Variants in VPS13C observed in about 807,000 individuals in gnomAD.
The protein encoded by VPS13C is vacuolar protein sorting 13 homolog C, also known as intermembrane lipid transfer protein VPS13C.
VPS13C carries 358 observed loss-of-function variants against 456.8 expected under a neutral mutation model. That is an observed-to-expected ratio of 0.78 (90% confidence interval 0.72 to 0.86). The LOEUF is 0.86. Among genes scored for constraint, VPS13C ranks in the 40% least tolerant of loss-of-function variants. The probability of loss-of-function intolerance (pLI) is 0.00; values close to 1 mark genes in which losing one functional copy is unlikely to be tolerated. For synonymous variants in VPS13C, 1,578 were observed against 1,486.7 expected (o/e 1.06, Z -1.41); for missense variants, 4,818 against 4,385.4 (o/e 1.10, Z -2.79).
Position 61,884,238 on chromosome 15 carries a change from G to A in VPS13C, c.9373C>T (p.Gln3125Ter). Residue 3125 changes from glutamine to a stop codon, truncating the protein, a stop_gained, in exon 68 of 85, where the codon CAG (glutamine) becomes TAG (stop). Transcript: ENST00000644861. LOFTEE classifies it high-confidence loss of function. ...TTTTGACTAAATGGCTTCCATTTCT[G>A]CTTTGGTTTCACCTCCCAAACAACA... ...SGVVWEVKPKQKWKPFSQKQI... is the reference protein window; with the variant it reads ...SGVVWEVKPK 6.2e-7 allele frequency: 1 copy of A among 1,610,800 alleles called. No homozygotes were observed. Among genetic ancestry groups the A allele is most frequent in the Non-Finnish European group, 8.5e-7 (1 of 1,178,866 alleles).
intron 38 of VPS13C, 67 bp downstream of exon 38, chr15:61,954,354 G>C (rs1052603120): frequency 1.3e-5 from 19 of 1,514,570 alleles, no homozygotes; most frequent in Non-Finnish European, 1.6e-5. Context: ...TGTAAGTTTA[G>C]TAGAGGTAAT....
At chr15:61,984,201 G>T (rs1244489236) in intron 19 of VPS13C, among the ~76,000 whole-genome samples, 189 bp from the exon 20 acceptor site, 2 of 152,208 alleles carry the variant, frequency 1.3e-5, no homozygotes, top group East Asian at 1.9e-4. Flanking sequence ...TGCTGCTCTT[G>T]TTGTTTTAAT....
intron 68 of VPS13C, among the ~76,000 whole-genome samples, chr15:61,883,430 A>T (rs1896025821): frequency 6.6e-6 from 1 of 152,114 alleles, no homozygotes; most frequent in Admixed American, 6.6e-5. Context: ...TCATTTAAGT[A>T]TGGCCAAAAT....
chr15:62,001,732 T>C (rs148558847), intron 15 of VPS13C, among the ~76,000 whole-genome samples: 4,403 of 152,252 alleles, frequency 0.029, 140 homozygotes, highest in South Asian at 0.069. Context: ...TGTGTTCTCA[T>C]TGTTCAGTTC....
chr15:61,938,494 G>C (rs1479861422), intron 47 of VPS13C, among the ~76,000 whole-genome samples: 2 of 152,078 alleles, frequency 1.3e-5, no homozygotes, highest in Non-Finnish European at 2.9e-5. Flanking sequence ...TGACCAAAGG[G>C]GGGTGTTTAG....
intron 37 of VPS13C, among the ~76,000 whole-genome samples, chr15:61,956,697 G>A (rs183950030): frequency 2.6e-5 from 4 of 152,094 alleles, no homozygotes; most frequent in Admixed American, 2.6e-4. Flanking sequence ...CATATGAAAA[G>A]GTGATCACCT....
intron 15 of VPS13C, among the ~76,000 whole-genome samples, chr15:62,002,227 G>A (rs1385496770): frequency 2.0e-5 from 3 of 152,154 alleles, no homozygotes; most frequent in South Asian, 2.1e-4. Flanking sequence ...GGTGTGAGAT[G>A]GTATCTCATT....
intron 59 of VPS13C, 102 bp from the exon 60 acceptor site, chr15:61,917,737 T>C (rs999110244): frequency 8.7e-5 from 114 of 1,310,844 alleles, no homozygotes; most frequent in Middle Eastern, 2.4e-4. Flanking sequence ...GGTGCTATTA[T>C]TCCTGTTTTT....
chr15:62,042,105 T>C (rs2048261199), intron 2 of VPS13C, among the ~76,000 whole-genome samples: 1 of 152,154 alleles, frequency 6.6e-6, no homozygotes, highest in African/African-American at 2.4e-5. Flanking sequence ...AGTAAATGAA[T>C]AAACTTAAAA....
At position 61,890,240 on chromosome 15, in the gene VPS13C, A is replaced by G; in HGVS notation, c.9266T>C (p.Leu3089Ser). 1 of 1,614,126 alleles carries G rather than the reference A, an allele frequency of 6.2e-7. No individual in the cohort carries two copies. Among genetic ancestry groups the G allele is most frequent in the South Asian group, 1.1e-5 (1 of 91,076 alleles). The change falls in exon 67 of 85, where the codon TTG (leucine) becomes TCG (serine). Residue 3089 changes from leucine (L) to serine (S), a missense_variant. Coordinates refer to ENST00000644861, the MANE Select transcript of VPS13C (RefSeq NM_020821.3). ...EMEQADYEIT[L>S]SLHSLGLSLV... ...TGAAAGCCCAAGACTGTGGAGAGACAAGGTTATTTCATAATCAGCCTGTTC... is the reference window on the plus strand; with the variant it reads ...TGAAAGCCCAAGACTGTGGAGAGACGAGGTTATTTCATAATCAGCCTGTTC...
At chr15:61,929,404 A>G (rs1178971304) in intron 51 of VPS13C, 97 bp downstream of exon 51, 1 of 1,460,276 alleles carries the variant, frequency 6.8e-7, no homozygotes, top group Non-Finnish European at 9.1e-7. Flanking sequence ...TAAAAGACTA[A>G]TTTTACGTTC....
chr15:61,934,655 G>C (rs2044165641), intron 48 of VPS13C, among the ~76,000 whole-genome samples: 1 of 152,170 alleles, frequency 6.6e-6, no homozygotes, highest in East Asian at 1.9e-4. Context: ...TATGAAATTG[G>C]AGACTCAGAA....
chr15:61,868,869 A>G, intron 80 of VPS13C, 96 bp from the exon 81 acceptor site: 1 of 1,024,102 alleles, frequency 9.8e-7, no homozygotes. Context: ...CACAAAAAAC[A>G]ATCAGTAATT....
intron 66 of VPS13C, among the ~76,000 whole-genome samples, chr15:61,903,023 A>C (rs958087394): frequency 6.6e-6 from 1 of 152,084 alleles, no homozygotes; most frequent in Non-Finnish European, 1.5e-5. Flanking sequence ...AGGACGCAAA[A>C]TCAATATATT....
Position 61,945,743 on chromosome 15 carries a change from TA to T in VPS13C, c.5119del (p.Tyr1707MetfsTer10). On this transcript the variant is annotated frameshift_variant, in exon 45 of 85. Transcript: ENST00000644861. LOFTEE classifies it high-confidence loss of function. ...SFKVGCIQIV[Y>X]VHKFFMSLLN... ...AAGAGACATGAAGAATTTATGAACA[TA>T]AACAATCTGAATACAACCCACTTTA... 1 of 1,599,530 alleles carries T rather than the reference TA, an allele frequency of 6.3e-7. No homozygotes were observed. The highest frequency in any genetic ancestry group is 8.5e-7 in the Non-Finnish European group (1 of 1,175,544).
chr15:62,018,374 A>C (rs2140550875), intron 9 of VPS13C, among the ~76,000 whole-genome samples: 2 of 151,958 alleles, frequency 1.3e-5, no homozygotes, highest in Middle Eastern at 3.4e-3. Context: ...CAGTTTTCAA[A>C]GGGAATGCTT....
Position 61,890,329 on chromosome 15 carries a change from C to T in VPS13C, c.9177G>A (p.Gln3059=). The T allele has an allele frequency of 2.5e-6, 4 of 1,614,128 alleles. No individual in the cohort carries two copies. Among genetic ancestry groups the T allele is most frequent in the Non-Finnish European group, 3.4e-6 (4 of 1,180,030 alleles). Residue 3059 remains glutamine (Q), a synonymous_variant, in exon 67 of 85, where the codon CAG becomes CAA. Transcript: ENST00000644861. ...CATCATCGGTGAAAAGCAAAACTCT[C>T]TGGCGCCCATCCAGAAATGATACCC... ...IHWVSFLDGR[Q]RVLLFTDDVA... is the part of the protein sequence containing the mutation.
At chr15:61,950,256 G>A (rs2044740588) in intron 41 of VPS13C, 102 bp downstream of exon 41, 1 of 820,196 alleles carries the variant, frequency 1.2e-6, no homozygotes, top group Non-Finnish European at 2.0e-6. Context: ...TATTGCCACT[G>A]TTATTCTCAC....
At position 61,961,663 on chromosome 15, in the gene VPS13C, C is replaced by T. The variant is rs767428326; in HGVS notation, c.3834G>A (p.Val1278=). ...LIRVHNQFSL[V]SDEDYLNPPV... ...GAGGATTTAAGTAGTCTTCATCAGA[C>T]ACCAGACTGAACTGATTATGAACTC... The change falls in exon 35 of 85, where the codon GTG becomes GTA. Residue 1278 remains valine (V), a synonymous_variant. Coordinates refer to ENST00000644861, the MANE Select transcript of VPS13C (RefSeq NM_020821.3). 1.2e-6 allele frequency: 2 copies of T among 1,613,964 alleles called. No homozygotes were observed. Among genetic ancestry groups the T allele is most frequent in the East Asian group, 2.2e-5 (1 of 44,864 alleles).
Sources: gnomAD v4.1 joint callset for allele counts (sites outside exome capture counted in the v4.1 genomes callset) on GRCh38, gnomAD v4.1.1 for gene constraint, MANE v1.5 for transcripts, NCBI Gene and HGNC (gene_info 2026-07-23, HGNC 2026-07-21) for gene names.